BACH2: variants seen among roughly 807,000 people sequenced by gnomAD.
BACH2 encodes transcription regulator protein BACH2.
A neutral mutation model predicts 61.8 loss-of-function variants in BACH2; 5 were observed. That is an observed-to-expected ratio of 0.08 (90% CI 0.04 to 0.17). The LOEUF (loss-of-function observed/expected upper bound fraction) is 0.17. BACH2 is among the 10% of genes least tolerant of loss of function. BACH2 has a pLI of 1.00. For missense variants in BACH2, 824 were observed against 1,091.1 expected (o/e 0.76, Z 3.45); for synonymous variants, 446 against 440.1 (o/e 1.01, Z -0.17).
chr6:90,296,086 G>A (rs1562548598), intron 1 of BACH2, among the ~76,000 whole-genome samples: 3 of 152,130 alleles, frequency 2.0e-5, no homozygotes, highest in African/African-American at 4.8e-5. Context: ...GGGTCTGACA[G>A]CTGCTGCGGC....
intron 3 of BACH2, among the ~76,000 whole-genome samples, chr6:90,211,833 T>G (rs1482685751): frequency 1.3e-5 from 2 of 152,178 alleles, no homozygotes; most frequent in Non-Finnish European, 2.9e-5. Flanking sequence ...AGGTCACTCT[T>G]CGCAGTGTTA....
chr6:89,953,239 G>A (rs374166863), intron 6 of BACH2: 7 of 152,206 alleles, frequency 4.6e-5, no homozygotes, highest in African/African-American at 1.7e-4. Flanking sequence ...GTGCTCTCCA[G>A]TCCTCTTAGA....
chr6:90,152,206 T>C (rs763740848), intron 4 of BACH2, among the ~76,000 whole-genome samples: 3 of 152,214 alleles, frequency 2.0e-5, no homozygotes, highest in Non-Finnish European at 4.4e-5. Flanking sequence ...TTCCCGGGCA[T>C]ATAATTTTCA....
intron 1 of BACH2, among the ~76,000 whole-genome samples, chr6:90,292,769 G>C (rs1426731167): frequency 1.3e-5 from 2 of 152,182 alleles, no homozygotes; most frequent in Non-Finnish European, 2.9e-5. Context: ...CAGCCCCCAG[G>C]CCGACACTAG....
At chr6:90,249,990 T>A (rs1164130505) in intron 3 of BACH2, among the ~76,000 whole-genome samples, 2 of 152,196 alleles carry the variant, frequency 1.3e-5, no homozygotes, top group Non-Finnish European at 2.9e-5. Flanking sequence ...CACAGAGTTT[T>A]GGCCACTTCC....
chr6:90,047,128 G>GC (rs1779820419), intron 5 of BACH2, among the ~76,000 whole-genome samples: 1 of 152,136 alleles, frequency 6.6e-6, no homozygotes. Flanking sequence ...CACCATGTTG[G>GC]CCAGGCTGGT....
At chr6:90,088,920 C>A (rs1458893512) in intron 5 of BACH2, 41 bp downstream of exon 5, 4 of 152,204 alleles carry the variant, frequency 2.6e-5, no homozygotes, top group African/African-American at 9.7e-5. Flanking sequence ...AAATATTTAT[C>A]ATTGTTTAAT....
intron 4 of BACH2, among the ~76,000 whole-genome samples, chr6:90,110,058 C>A (rs1271050796): frequency 6.6e-6 from 1 of 152,146 alleles, no homozygotes; most frequent in Non-Finnish European, 1.5e-5. Context: ...TACATTTTTG[C>A]AAATCTCTCT....
Position 89,983,134 on chromosome 6 carries a change from T to A in BACH2, c.243+25468A>T, listed in dbSNP as rs181145881. On this transcript the variant is annotated intron_variant, in intron 6 of 8. Transcript: ENST00000257749. Reference sequence around the variant, plus strand: ...GAATATCCTAAATGTTTATAGGAAATCCCCATCCTCTGCCTCCTTCTTTAA... The same window carrying A: ...GAATATCCTAAATGTTTATAGGAAAACCCCATCCTCTGCCTCCTTCTTTAA... Among the ~76,000 whole-genome samples the A allele has an allele frequency of 2.0e-4, 30 of 152,286 alleles. No individual in the cohort carries two copies. The East Asian group carries it at 5.2e-3, about 26-fold the overall frequency.
rs1018230861 is a variant in BACH2, at chr6:89,932,118, G to C, written c.*290C>G. ...AAAAAAAATCCGTGGTTGGGGCCTAGAGGTGTTGTAGTCTATCCCTGTGAA... is the reference window on the plus strand; with the variant it reads ...AAAAAAAATCCGTGGTTGGGGCCTACAGGTGTTGTAGTCTATCCCTGTGAA... On this transcript the variant is annotated 3_prime_UTR_variant, in exon 9 of 9. Coordinates refer to ENST00000257749, the MANE Select transcript of BACH2 (RefSeq NM_021813.4). 3.4e-6 allele frequency: 1 copy of C among 293,494 alleles called. No individual in the cohort carries two copies. The highest frequency in any genetic ancestry group is 6.3e-5 in the East Asian group (1 of 15,944). The allele number at this position is 293,494 out of a possible 1,614,324, so 18.2% of individuals were successfully genotyped here.
At chr6:90,170,315 C>G (rs902358455) in intron 4 of BACH2, among the ~76,000 whole-genome samples, 1 of 152,044 alleles carries the variant, frequency 6.6e-6, no homozygotes, top group African/African-American at 2.4e-5. Context: ...TTTACCTGCC[C>G]CAGGGTTCCC....
At chr6:89,986,209 T>TA in intron 6 of BACH2, among the ~76,000 whole-genome samples, 1 of 150,358 alleles carries the variant, frequency 6.7e-6, no homozygotes, top group East Asian at 1.9e-4. Flanking sequence ...GTATGTGTGT[T>TA]AAAGTCTGAG....
At chr6:90,229,574 C>CT (rs1396868028) in intron 3 of BACH2, among the ~76,000 whole-genome samples, 1 of 152,164 alleles carries the variant, frequency 6.6e-6, no homozygotes. Flanking sequence ...GTCCTAGACT[C>CT]TGTCAGTACA....
intron 3 of BACH2, among the ~76,000 whole-genome samples, chr6:90,220,245 A>G (rs1319337533): frequency 1.3e-5 from 2 of 152,172 alleles, no homozygotes; most frequent in Non-Finnish European, 2.9e-5. Context: ...GATGTATTTG[A>G]TATATAGAAA....
At chr6:89,962,369 C>G (rs965315933) in intron 6 of BACH2, among the ~76,000 whole-genome samples, 3 of 152,154 alleles carry the variant, frequency 2.0e-5, no homozygotes, top group Non-Finnish European at 4.4e-5. Flanking sequence ...TTTTGCCATC[C>G]TCAGTACTAC....
chr6:90,059,426 T>C (rs917897281), intron 5 of BACH2, among the ~76,000 whole-genome samples: 2 of 152,190 alleles, frequency 1.3e-5, no homozygotes, highest in African/African-American at 4.8e-5. Context: ...CACAAGGAGA[T>C]ACCATCTCAA....
chr6:90,046,901 C>T (rs1306331430), intron 5 of BACH2, among the ~76,000 whole-genome samples: 1 of 151,424 alleles, frequency 6.6e-6, no homozygotes, highest in Non-Finnish European at 1.5e-5. Context: ...GAGGCCAAGC[C>T]CAGGCCAATT....
chr6:90,220,844 A>T lies in BACH2; in HGVS notation c.-274-14163T>A, dbSNP rs1299909632. On this transcript the variant is annotated intron_variant, in intron 3 of 8. Transcript: ENST00000257749. Reference sequence around the variant, plus strand: ...AGCAATTTAAAACTTCAGTATTTTCATAGTTAACTACCTGGTTTTCTAAGC... The same window carrying T: ...AGCAATTTAAAACTTCAGTATTTTCTTAGTTAACTACCTGGTTTTCTAAGC... Among the ~76,000 whole-genome samples, 3 of 152,356 alleles carry T rather than the reference A, an allele frequency of 2.0e-5. 1 individual carries two copies. In the South Asian group the frequency reaches 6.2e-4, roughly 32 times the overall value.
intron 4 of BACH2, among the ~76,000 whole-genome samples, chr6:90,098,129 T>C (rs1337960988): frequency 6.6e-6 from 1 of 152,216 alleles, no homozygotes; most frequent in Non-Finnish European, 1.5e-5. Flanking sequence ...CATTTACCAA[T>C]GCACTGCATC....
Sources: gnomAD v4.1 joint callset for allele counts (sites outside exome capture counted in the v4.1 genomes callset) on GRCh38, gnomAD v4.1.1 for gene constraint, MANE v1.5 for transcripts, NCBI Gene and HGNC (gene_info 2026-07-23, HGNC 2026-07-21) for gene names.